Variants in OSBPL10 observed in about 807,000 individuals in gnomAD.
OSBPL10 encodes oxysterol binding protein like 10, also known as oxysterol-binding protein-related protein 10.
In OSBPL10, 49 loss-of-function variants were observed where a neutral mutation model predicts 81.7. The ratio of observed to expected loss-of-function variants is 0.60; its 90% CI spans 0.48 to 0.76. OSBPL10 has a LOEUF of 0.76. Ranked by LOEUF, OSBPL10 falls within the 30% of genes least tolerant of loss-of-function variation. The pLI is 0.00. For synonymous variants in OSBPL10, 419 were observed against 383.6 expected, an observed-to-expected ratio of 1.09 and a Z score of -1.08; for missense variants, 923 against 987.8, an observed-to-expected ratio of 0.93 and a Z score of 0.88.
At chr3:31,969,238 T>A (rs1698486447) in intron 1 of OSBPL10, among the ~76,000 whole-genome samples, 1 of 152,106 alleles carries the variant, frequency 6.6e-6, no homozygotes, top group African/African-American at 2.4e-5. Flanking sequence ...AATCAAGACA[T>A]CTGTCAGCAC....
chr3:32,005,778 G>A (rs1699200224), intron 2 of OSBPL10, among the ~76,000 whole-genome samples: 2 of 151,770 alleles, frequency 1.3e-5, no homozygotes, highest in African/African-American at 4.8e-5. Context: ...TAGTAGAGAT[G>A]GGGTTTCACC....
intron 1 of OSBPL10, among the ~76,000 whole-genome samples, chr3:32,070,574 AC>A (rs1699821869): frequency 6.6e-6 from 1 of 151,984 alleles, no homozygotes; most frequent in South Asian, 2.1e-4. Flanking sequence ...AATCACCCTT[AC>A]CCTACAACAG....
chr3:31,937,710 C>T (rs948806834), intron 1 of OSBPL10, among the ~76,000 whole-genome samples: 3 of 151,670 alleles, frequency 2.0e-5, no homozygotes, highest in Non-Finnish European at 4.4e-5. Context: ...CTTCCCCCAA[C>T]CTCTCTTCTT....
At chr3:31,662,239 C>A in intron 11 of OSBPL10, 123 bp from the exon 12 acceptor site, 1 of 1,529,336 alleles carries the variant, frequency 6.5e-7, no homozygotes, top group South Asian at 1.3e-5. Flanking sequence ...GCAGGCCAGG[C>A]TGCTGGCCTC....
intron 4 of OSBPL10, among the ~76,000 whole-genome samples, chr3:31,823,644 TTTA>T (rs1700032585): frequency 6.6e-6 from 1 of 152,164 alleles, no homozygotes; most frequent in African/African-American, 2.4e-5. Flanking sequence ...TCTAAAATAC[TTTA>T]TTTAACTGAA....
intron 1 of OSBPL10, among the ~76,000 whole-genome samples, chr3:31,891,082 T>C (rs1196208829): frequency 1.3e-5 from 2 of 152,172 alleles, no homozygotes; most frequent in Non-Finnish European, 2.9e-5. Flanking sequence ...CTCAGCTTTT[T>C]CCCTAAACAT....
At chr3:31,889,740 A>T (rs987289796) in intron 1 of OSBPL10, among the ~76,000 whole-genome samples, 8 of 152,170 alleles carry the variant, frequency 5.3e-5, no homozygotes, top group African/African-American at 1.7e-4. Context: ...AGCATTCTAT[A>T]GCACAATACA....
intron 1 of OSBPL10, among the ~76,000 whole-genome samples, chr3:31,971,754 C>A (rs1698572458): frequency 5.4e-5 from 4 of 74,326 alleles, no homozygotes; most frequent in Non-Finnish European, 7.6e-5. Context: ...AGCCCACCGC[C>A]AGCTTTTATA....
chr3:31,678,087 C>CAAAAAAA (rs1174037204), intron 8 of OSBPL10, among the ~76,000 whole-genome samples: 6,345 of 76,412 alleles, frequency 0.083, 466 homozygotes, highest in African/African-American at 0.14. Context: ...GACTCCGTCT[C>CAAAAAAA]AAAAAAAAAA....
intron 3 of OSBPL10, among the ~76,000 whole-genome samples, chr3:31,852,779 A>C (rs1178761742): frequency 6.6e-6 from 1 of 151,880 alleles, no homozygotes; most frequent in African/African-American, 2.4e-5. Flanking sequence ...GGGTTTCACC[A>C]TATTGGCCAG....
Position 31,905,128 on chromosome 3 carries a change from A to T in OSBPL10, c.282-25298T>A, listed in dbSNP as rs74455462. 5.2e-3 allele frequency among the ~76,000 whole-genome samples: 789 copies of T among 152,304 alleles called. 2 individuals are homozygous for T. The highest frequency in any genetic ancestry group is 0.018 in the African/African-American group (766 of 41,562). On this transcript the variant is annotated intron_variant, in intron 1 of 11. Transcript: ENST00000396556. ...AATATGTCTGTCAAATATTAATAAC[A>T]TAAATGAAGGAAATACCAATTACTC...
intron 3 of OSBPL10, among the ~76,000 whole-genome samples, chr3:31,867,849 G>C (rs771717466): frequency 9.9e-5 from 15 of 152,118 alleles, no homozygotes; most frequent in Non-Finnish European, 2.2e-4. Context: ...TAGCTGACTG[G>C]AAGGAAGATA....
intron 2 of OSBPL10, among the ~76,000 whole-genome samples, chr3:32,036,586 G>A (rs1433071423): frequency 3.9e-5 from 6 of 152,182 alleles, no homozygotes; most frequent in Non-Finnish European, 8.8e-5. Flanking sequence ...CCTGAAAGGA[G>A]TGATAGATAA....
At chr3:32,057,744 G>T (rs1428433831) in intron 1 of OSBPL10, among the ~76,000 whole-genome samples, 1 of 152,162 alleles carries the variant, frequency 6.6e-6, no homozygotes, top group Non-Finnish European at 1.5e-5. Flanking sequence ...TGTGGGTGAG[G>T]ACACAAGCCT....
At chr3:31,796,021 G>A (rs1699202953) in intron 4 of OSBPL10, 1 of 195,074 alleles carries the variant, frequency 5.1e-6, no homozygotes, top group Non-Finnish European at 1.2e-5. Context: ...AAAGCCTTAT[G>A]AGCGCACTGA....
At chr3:31,817,798 G>A (rs769477667) in intron 4 of OSBPL10, among the ~76,000 whole-genome samples, 1 of 152,200 alleles carries the variant, frequency 6.6e-6, no homozygotes, top group Non-Finnish European at 1.5e-5. Context: ...TCCATGGAGT[G>A]TGCAGCCCCA....
chr3:31,918,314 G>A (rs1696813936), intron 1 of OSBPL10, among the ~76,000 whole-genome samples: 1 of 130,244 alleles, frequency 7.7e-6, no homozygotes. Context: ...ACACACTGGA[G>A]TTGTTTTTTC....
chr3:31,775,747 A>C (rs1698531342), intron 4 of OSBPL10, among the ~76,000 whole-genome samples: 1 of 152,088 alleles, frequency 6.6e-6, no homozygotes, highest in African/African-American at 2.4e-5. Context: ...AAGGAGAGGT[A>C]AGAGTAATCT....
rs1038964941 is a variant in OSBPL10, at chr3:31,830,126, C to T, written c.643G>A (p.Val215Ile). Residue 215 changes from valine to isoleucine, a missense_variant, in exon 4 of 12, where the codon GTT becomes ATT. Physicochemically the swap from Val to Ile is conservative, Grantham distance 29. This residue lies in a region of OSBPL10 where 514 missense variants were observed against 508.0 expected (regional missense o/e 1.01). Transcript: ENST00000396556. ...GACTTGTGATGCGTGATTGTGACAACACCGGGGGCCCCCACACTGAGGTGT... is the reference window on the plus strand; with the variant it reads ...GACTTGTGATGCGTGATTGTGACAATACCGGGGGCCCCCACACTGAGGTGT... ...QRHLSVGAPGVVTITHHKSPA... is the reference protein window; with the variant it reads ...QRHLSVGAPGIVTITHHKSPA... 1.9e-6 allele frequency: 3 copies of T among 1,614,008 alleles called. No individual in the cohort carries two copies. The highest frequency in any genetic ancestry group is 2.5e-6 in the Non-Finnish European group (3 of 1,180,016).
Sources: gnomAD v4.1 joint callset for allele counts (sites outside exome capture counted in the v4.1 genomes callset) on GRCh38, gnomAD v4.1.1 for gene constraint, gnomAD v4.1.1 regional missense constraint, MANE v1.5 for transcripts, NCBI Gene and HGNC (gene_info 2026-07-23, HGNC 2026-07-21) for gene names.